Variants in KCNQ1 observed in about 807,000 individuals in gnomAD.
KCNQ1 encodes potassium voltage-gated channel subfamily Q member 1.
KCNQ1 carries 49 observed loss-of-function variants against 72.4 expected under a neutral mutation model. That is an observed-to-expected ratio of 0.68 (90% CI 0.54 to 0.86). The LOEUF is 0.86. Ranked by LOEUF, KCNQ1 falls within the 40% of genes least tolerant of loss-of-function variation. KCNQ1 has a pLI of 0.00. For missense variants in KCNQ1, 790 were observed against 945.1 expected, an observed-to-expected ratio of 0.84 and a Z score of 2.15; for synonymous variants, 450 against 412.6, an observed-to-expected ratio of 1.09 and a Z score of -1.10.
chr11:2,718,461 T>C (rs1313332624), intron 11 of KCNQ1, among the ~76,000 whole-genome samples: 1 of 152,114 alleles, frequency 6.6e-6, no homozygotes, highest in Non-Finnish European at 1.5e-5. Context: ...TCTGAGGATG[T>C]GGATGAGCAG....
chr11:2,710,118 GT>G lies in KCNQ1; in HGVS notation c.1514+48039del, dbSNP rs543900023. On this transcript the variant is annotated intron_variant, in intron 11 of 15. Coordinates refer to ENST00000155840, the MANE Select transcript of KCNQ1 (RefSeq NM_000218.3). This position sits in a 1 kb window ranked among gnomAD's most constrained non-coding sequence, Gnocchi z 4.1. ...GCATTCCCACCAGTAGTGTATGTGA[GT>G]TCCTATCTCTCCACATTCTCACCAA... Among the ~76,000 whole-genome samples, 2 of 152,188 alleles carry G rather than the reference GT, an allele frequency of 1.3e-5. No homozygotes were observed. The highest frequency in any genetic ancestry group is 2.9e-5 in the Non-Finnish European group (2 of 68,042).
At chr11:2,518,768 C>T (rs1226866312) in intron 1 of KCNQ1, among the ~76,000 whole-genome samples, 2 of 152,154 alleles carry the variant, frequency 1.3e-5, no homozygotes, top group Non-Finnish European at 2.9e-5. Context: ...GGCTGGGATC[C>T]CATGGCTTTC....
intron 10 of KCNQ1, chr11:2,610,702 G>C (rs1385842571): frequency 6.8e-6 from 2 of 292,240 alleles, no homozygotes; most frequent in Non-Finnish European, 1.2e-5. Context: ...TCTGGACACA[G>C]TATTCTTGGT....
rs931661600 is a variant in KCNQ1, at chr11:2,817,157, C to T, written c.1795-30610C>T. On this transcript the variant is annotated intron_variant, in intron 15 of 15. Coordinates refer to ENST00000155840, the MANE Select transcript of KCNQ1 (RefSeq NM_000218.3). The surrounding 1 kb of genome is among the most constrained non-coding windows in gnomAD (Gnocchi z 6.1). ...GGCTCTGCTCCACAGGCCAACTCTG[C>T]GCACGCTCCTTTCAAGGGTTAACGG... Among the ~76,000 whole-genome samples, 7 of 152,198 alleles carry T rather than the reference C, an allele frequency of 4.6e-5. No homozygotes were observed. Among genetic ancestry groups the T allele is most frequent in the East Asian group, 3.9e-4 (2 of 5,178 alleles).
chr11:2,775,172 C>T (rs976629605), intron 12 of KCNQ1, among the ~76,000 whole-genome samples: 2 of 152,250 alleles, frequency 1.3e-5, no homozygotes, highest in South Asian at 2.1e-4. Flanking sequence ...AGCCTGGCTG[C>T]TCCACCTGAG....
chr11:2,759,379 C>A lies in KCNQ1; in HGVS notation c.1515-9465C>A, dbSNP rs1846353470. 6.6e-6 allele frequency among the ~76,000 whole-genome samples: 1 copy of A among 152,144 alleles called. No individual in the cohort carries two copies. The highest frequency in any genetic ancestry group is 1.5e-5 in the Non-Finnish European group (1 of 68,020). ...GGGTTTCCTCTGCCAAGACCCCCAC[C>A]CATCTGCCTCTCTTCATCTCACAAG... On this transcript the variant is annotated intron_variant, in intron 11 of 15. Transcript: ENST00000155840. The surrounding 1 kb of genome is among the most constrained non-coding windows in gnomAD (Gnocchi z 4.4).
chr11:2,596,914 A>G (rs1382394057), intron 10 of KCNQ1, among the ~76,000 whole-genome samples: 1 of 151,782 alleles, frequency 6.6e-6, no homozygotes, highest in African/African-American at 2.4e-5. Context: ...ATAGCAAAAA[A>G]ACATACTGAA....
chr11:2,596,955 C>T (rs1339598521), intron 10 of KCNQ1, among the ~76,000 whole-genome samples: 1 of 151,702 alleles, frequency 6.6e-6, no homozygotes, highest in Non-Finnish European at 1.5e-5. Flanking sequence ...CTAAAGAAAC[C>T]AGTTGCCACT....
intron 2 of KCNQ1, among the ~76,000 whole-genome samples, chr11:2,545,602 G>C (rs1411502294): frequency 6.6e-6 from 1 of 151,204 alleles, no homozygotes; most frequent in African/African-American, 2.4e-5. Flanking sequence ...TAATTACATT[G>C]AGGTGATTGA....
At chr11:2,591,858 C>T (rs1343672655) in intron 10 of KCNQ1, among the ~76,000 whole-genome samples, 1 of 152,250 alleles carries the variant, frequency 6.6e-6, no homozygotes, top group Admixed American at 6.5e-5. Context: ...GAGCTGTTGG[C>T]CTGGCCCCCA....
chr11:2,460,335 C>G (rs1295824535), intron 1 of KCNQ1, among the ~76,000 whole-genome samples: 2 of 152,238 alleles, frequency 1.3e-5, no homozygotes, highest in African/African-American at 4.8e-5. Flanking sequence ...CCTGGTCTTT[C>G]AAAGGGCTCT....
In KCNQ1 at chr11:2,526,876, G is replaced by A. The variant is rs1847517947; in HGVS notation, c.387-1052G>A. On this transcript the variant is annotated intron_variant, in intron 1 of 15. Transcript: ENST00000155840. This position sits in a 1 kb window ranked among gnomAD's most constrained non-coding sequence, Gnocchi z 6.1. ...TATGCCAGGCAGAGGATCTATGCCGGGGCCCCCAGGGTCTGTGTGTGGCTT... is the reference window on the plus strand; with the variant it reads ...TATGCCAGGCAGAGGATCTATGCCGAGGCCCCCAGGGTCTGTGTGTGGCTT... Among the ~76,000 whole-genome samples the A allele has an allele frequency of 6.6e-6, 1 of 152,092 alleles. No individual in the cohort carries two copies. The highest frequency in any genetic ancestry group is 1.5e-5 in the Non-Finnish European group (1 of 67,994).
chr11:2,777,074 A>G lies in KCNQ1; in HGVS notation c.1732+42A>G, dbSNP rs752254103. The G allele has an allele frequency of 3.7e-6, 6 of 1,601,786 alleles. No homozygotes were observed. The East Asian group carries it at 1.1e-4, about 30-fold the overall frequency. ...GTTACTCTGGGCCCAGCAGCCTGCA[A>G]TGGACTCTCCCGCACCTCTGCCCTC... is the stretch of plus-strand genomic sequence containing the variant. On this transcript the variant is annotated intron_variant, in intron 14 of 15. Transcript: ENST00000155840.
Position 2,492,733 on chromosome 11 carries a change from T to A in KCNQ1, c.387-35195T>A, listed in dbSNP as rs1846856328. Among the ~76,000 whole-genome samples the A allele has an allele frequency of 6.6e-6, 1 of 152,216 alleles. No individual in the cohort carries two copies. Among genetic ancestry groups the A allele is most frequent in the Non-Finnish European group, 1.5e-5 (1 of 68,038 alleles). ...ATTCCATGGTGTATATGTGCCACAT[T>A]TTCTTTATCCAGCCTATCATTGATG... On this transcript the variant is annotated intron_variant, in intron 1 of 15. Coordinates refer to ENST00000155840, the MANE Select transcript of KCNQ1 (RefSeq NM_000218.3). The surrounding 1 kb of genome is among the most constrained non-coding windows in gnomAD (Gnocchi z 4.1).
At chr11:2,619,777 T>A in intron 10 of KCNQ1, 1 of 398,312 alleles carries the variant, frequency 2.5e-6, no homozygotes, top group East Asian at 3.6e-5. Context: ...GAAGTATTGG[T>A]ATTCTTTGAA....
In KCNQ1 at chr11:2,554,149, G is replaced by A. The variant is rs142191681; in HGVS notation, c.478-16479G>A. On this transcript the variant is annotated intron_variant, in intron 2 of 15. Coordinates refer to ENST00000155840, the MANE Select transcript of KCNQ1 (RefSeq NM_000218.3). Reference sequence around the variant, plus strand: ...GTGTCTGGTTTTGGCATCAGATGCCGCTGGCATCAGAGAATGAGTTGGGAA... The same window carrying A: ...GTGTCTGGTTTTGGCATCAGATGCCACTGGCATCAGAGAATGAGTTGGGAA... Among the ~76,000 whole-genome samples the A allele has an allele frequency of 7.8e-3, 1,181 of 152,340 alleles. 6 individuals carry two copies. Among genetic ancestry groups the A allele is most frequent in the Non-Finnish European group, 8.8e-3 (596 of 68,030 alleles).
rs184192886 is a variant in KCNQ1, at chr11:2,475,340, T to A, written c.386+29856T>A. On this transcript the variant is annotated intron_variant, in intron 1 of 15. Transcript: ENST00000155840. The surrounding 1 kb of genome is among the most constrained non-coding windows in gnomAD (Gnocchi z 5.8). The stretch of plus-strand genomic sequence containing the variant: ...TTCCCTTCCTTTCTGAGCTGAGTAG[T>A]GGTCTGTGGTGTGGATGGACTACGT... 4.6e-5 allele frequency among the ~76,000 whole-genome samples: 7 copies of A among 152,294 alleles called. No individual in the cohort carries two copies. In the East Asian group the frequency reaches 1.4e-3, roughly 29 times the overall value.
At position 2,813,140 on chromosome 11, in the gene KCNQ1, G is replaced by A. The variant is rs113226952; in HGVS notation, c.1795-34627G>A. ...GGAGCCTGGTACAGAGGAAGAACCC[G>A]ACAGACTGTGAGCCCTGTCTTCCTC... On this transcript the variant is annotated intron_variant, in intron 15 of 15. Transcript: ENST00000155840. The surrounding 1 kb of genome is among the most constrained non-coding windows in gnomAD (Gnocchi z 4.4). 4.6e-3 allele frequency among the ~76,000 whole-genome samples: 707 copies of A among 152,348 alleles called. 6 individuals carry two copies. Among genetic ancestry groups the A allele is most frequent in the African/African-American group, 0.016 (657 of 41,578 alleles).
chr11:2,792,778 G>A (rs773140250), intron 15 of KCNQ1, among the ~76,000 whole-genome samples: 3 of 152,184 alleles, frequency 2.0e-5, no homozygotes, highest in Admixed American at 6.5e-5. Context: ...TTGGGGCCCC[G>A]GAGGGCTGAG....
Sources: gnomAD v4.1 joint callset for allele counts (sites outside exome capture counted in the v4.1 genomes callset) on GRCh38, gnomAD v4.1.1 for gene constraint, Gnocchi (gnomAD v3.1) non-coding constraint, MANE v1.5 for transcripts, NCBI Gene and HGNC (gene_info 2026-07-23, HGNC 2026-07-21) for gene names.